DPF2: variants seen among roughly 807,000 people sequenced by gnomAD.
DPF2 encodes double PHD fingers 2, also known as zinc finger protein ubi-d4.
In DPF2, 10 loss-of-function variants were observed where a neutral mutation model predicts 59.6. The ratio of observed to expected loss-of-function variants is 0.17; its 90% CI spans 0.10 to 0.28. The LOEUF is 0.28. Among genes scored for constraint, DPF2 ranks in the 10% least tolerant of loss-of-function variants. The pLI, the probability that DPF2 is intolerant of heterozygous loss-of-function variation, is 1.00. For missense variants in DPF2, 315 were observed against 509.4 expected (o/e 0.62, Z 3.67); for synonymous variants, 189 against 190.6 (o/e 0.99, Z 0.07).
At chr11:65,338,976 GCTGA>G (rs1225273064) in intron 1 of DPF2, among the ~76,000 whole-genome samples, 2 of 152,164 alleles carry the variant, frequency 1.3e-5, no homozygotes, top group African/African-American at 4.8e-5. Context: ...GTCCACCTGG[GCTGA>G]CTAAGTGTCC....
chr11:65,350,480 A>G (rs1477776113), intron 10 of DPF2, among the ~76,000 whole-genome samples: 1 of 147,974 alleles, frequency 6.8e-6, no homozygotes, highest in Non-Finnish European at 1.5e-5. Context: ...GGCTCAGGTA[A>G]TCTGGTAATC....
intron 10 of DPF2, among the ~76,000 whole-genome samples, chr11:65,351,365 C>T (rs1336981002): frequency 3.9e-5 from 6 of 152,214 alleles, no homozygotes; most frequent in Admixed American, 3.9e-4. Flanking sequence ...AGGTGCTTGA[C>T]AAACTTCTGT....
At position 65,340,562 on chromosome 11, in the gene DPF2, G is replaced by C; in HGVS notation, c.193+17G>C. ...GGGGTCCAGGTGAGGGTCCAGACTT[G>C]GGAGAAGGGGACTCAGGAGCATAAG... is the stretch of plus-strand genomic sequence containing the variant. On this transcript the variant is annotated intron_variant, in intron 2 of 10. Transcript: ENST00000528416. 1 of 1,613,558 alleles carries C rather than the reference G, an allele frequency of 6.2e-7. No individual in the cohort carries two copies. Among genetic ancestry groups the C allele is most frequent in the Non-Finnish European group, 8.5e-7 (1 of 1,179,664 alleles).
intron 4 of DPF2, among the ~76,000 whole-genome samples, chr11:65,342,447 G>A (rs1164030091): frequency 6.6e-6 from 1 of 152,064 alleles, no homozygotes; most frequent in Non-Finnish European, 1.5e-5. Flanking sequence ...CCCTGTCTGG[G>A]AAGGGAGGGA....
rs61072220 is a variant in DPF2, at chr11:65,346,758, T to C, written c.1017+399T>C. ...AGGTATGGCTCTTCTGGGAGGGTGA[T>C]GCTGGTGTTGAAATTTTGGTGATAC... On this transcript the variant is annotated intron_variant, in intron 9 of 10. Coordinates refer to ENST00000528416, the MANE Select transcript of DPF2 (RefSeq NM_006268.5). 7.0e-3 allele frequency: 1,115 copies of C among 158,810 alleles called. 11 individuals are homozygous for C. Among genetic ancestry groups the C allele is most frequent in the African/African-American group, 0.026 (1,067 of 41,622 alleles). 9.8% of individuals were successfully genotyped at this position (158,810 alleles called of 1,614,324 possible).
At chr11:65,342,828 T>C (rs919616919) in intron 4 of DPF2, among the ~76,000 whole-genome samples, 2 of 146,956 alleles carry the variant, frequency 1.4e-5, no homozygotes, top group African/African-American at 5.1e-5. Flanking sequence ...CTGGCTAACA[T>C]GGTGAAACCC....
intron 1 of DPF2, among the ~76,000 whole-genome samples, chr11:65,335,192 C>T (rs1950080387): frequency 6.6e-6 from 1 of 151,810 alleles, no homozygotes; most frequent in Admixed American, 6.6e-5. Context: ...TTCCCCAGCT[C>T]TTTCTTCAGG....
chr11:65,344,333 C>G (rs1854466888), intron 6 of DPF2: 1 of 612,332 alleles, frequency 1.6e-6, no homozygotes, highest in African/African-American at 1.8e-5. Flanking sequence ...CAGGGTTGGC[C>G]TCTCAACAGA....
rs373091945 is a variant in DPF2, at chr11:65,345,648, A to G, written c.638-18A>G. The G allele has an allele frequency of 1.3e-5, 21 of 1,613,770 alleles. No individual in the cohort carries two copies. In the African/African-American group the frequency reaches 2.5e-4, roughly 19 times the overall value. ...CTTGTATCCTAACACCTTTCTCTGCAATCTTCTTCCCACTCAGTTTGTGGA... is the reference window on the plus strand; with the variant it reads ...CTTGTATCCTAACACCTTTCTCTGCGATCTTCTTCCCACTCAGTTTGTGGA... On this transcript the variant is annotated intron_variant, in intron 6 of 10. Transcript: ENST00000528416.
intron 1 of DPF2, among the ~76,000 whole-genome samples, chr11:65,337,502 TATAGAGAGAG>T (rs1424038494): frequency 1.1e-3 from 36 of 33,102 alleles, no homozygotes; most frequent in African/African-American, 2.6e-3. Context: ...TATATATATA[TATAGAGAGAG>T]AGAGAGAGAG....
chr11:65,337,474 A>AATATAT (rs1196397460), intron 1 of DPF2, among the ~76,000 whole-genome samples: 23 of 46,474 alleles, frequency 4.9e-4, no homozygotes, highest in East Asian at 1.6e-3. Flanking sequence ...AAAAAAAAAA[A>AATATAT]ATATATATAT....
intron 1 of DPF2, among the ~76,000 whole-genome samples, chr11:65,334,327 G>A (rs1447251962): frequency 7.3e-6 from 1 of 137,012 alleles, no homozygotes; most frequent in African/African-American, 2.6e-5. Context: ...GTCCCGTCCC[G>A]TTCGCTGCAG....
chr11:65,343,904 A>T, intron 5 of DPF2, 67 bp downstream of exon 5: 1 of 1,599,596 alleles, frequency 6.3e-7, no homozygotes, highest in Non-Finnish European at 8.5e-7. Context: ...ATTTTATTTC[A>T]AGTGAGATTA....
intron 3 of DPF2, 134 bp from the exon 4 acceptor site, chr11:65,341,265 G>C: frequency 7.4e-7 from 1 of 1,358,802 alleles, no homozygotes; most frequent in South Asian, 1.4e-5. Context: ...AAGTGAACTA[G>C]GGTGTCTTAA....
intron 10 of DPF2, among the ~76,000 whole-genome samples, chr11:65,350,378 T>C (rs1320524893): frequency 3.0e-4 from 45 of 148,666 alleles, no homozygotes; most frequent in African/African-American, 6.4e-4. Context: ...TTCTTTCTTT[T>C]TTTTTTTTTT....
At chr11:65,343,158 G>A (rs1280127610) in intron 4 of DPF2, among the ~76,000 whole-genome samples, 1 of 151,984 alleles carries the variant, frequency 6.6e-6, no homozygotes, top group African/African-American at 2.4e-5. Flanking sequence ...AATTAATCAG[G>A]TGTGGTGGCG....
At chr11:65,350,937 C>T (rs896231393) in intron 10 of DPF2, among the ~76,000 whole-genome samples, 1 of 151,302 alleles carries the variant, frequency 6.6e-6, no homozygotes, top group African/African-American at 2.4e-5. Flanking sequence ...TGAGATCACA[C>T]TGCTGTACTC....
intron 6 of DPF2, chr11:65,345,359 A>G (rs1381790880): frequency 1.3e-5 from 5 of 377,288 alleles, no homozygotes; most frequent in African/African-American, 4.0e-5. Flanking sequence ...GACTGTTAGT[A>G]TATCCCAGAG....
intron 1 of DPF2, among the ~76,000 whole-genome samples, chr11:65,336,458 C>A (rs1046432604): frequency 6.6e-6 from 1 of 151,868 alleles, no homozygotes; most frequent in Non-Finnish European, 1.5e-5. Flanking sequence ...CACCACTGCC[C>A]TCCAGCCTGA....
Sources: allele counts gnomAD v4.1 joint callset (sites outside exome capture counted in the v4.1 genomes callset), GRCh38; gene constraint gnomAD v4.1.1; transcripts MANE v1.5; gene names NCBI Gene and HGNC (gene_info 2026-07-23, HGNC 2026-07-21).